The following PCLO variants were observed in gnomAD, a reference collection of about 807,000 sequenced individuals.
PCLO encodes the protein protein piccolo.
PCLO carries 82 observed loss-of-function variants against 427.5 expected under a neutral mutation model. That is an observed-to-expected ratio of 0.19 (90% CI 0.16 to 0.23). The LOEUF (loss-of-function observed/expected upper bound fraction) is 0.23. Among genes scored for constraint, PCLO ranks in the 10% least tolerant of loss-of-function variants. The pLI, the probability that PCLO is intolerant of heterozygous loss-of-function variation, is 1.00. For synonymous variants in PCLO, 2,357 were observed against 2,155.4 expected (o/e 1.09, Z -2.59); for missense variants, 6,239 against 6,115.9 (o/e 1.02, Z -0.67).
chr7:82,758,788 T>A (rs1790371249), intron 24 of PCLO, 73 bp from the exon 25 acceptor site: 6 of 869,706 alleles, frequency 6.9e-6, no homozygotes, highest in South Asian at 6.8e-5. Flanking sequence ...CAACCTTTTT[T>A]AAGGACATTT....
intron 10 of PCLO, 66 bp downstream of exon 10, chr7:82,879,271 T>G (rs1428925029): frequency 2.2e-6 from 3 of 1,356,588 alleles, no homozygotes. Flanking sequence ...CATTTGCATA[T>G]TAAATTAAAA....
intron 21 of PCLO, 26 bp from the exon 22 acceptor site, chr7:82,801,617 A>G: frequency 7.3e-7 from 1 of 1,365,978 alleles, no homozygotes. Flanking sequence ...ATAAAATGAT[A>G]TATTCAGTTA....
At chr7:82,793,100 T>G (rs1259264168) in intron 22 of PCLO, among the ~76,000 whole-genome samples, 1 of 152,142 alleles carries the variant, frequency 6.6e-6, no homozygotes, top group Non-Finnish European at 1.5e-5. Context: ...TATTTTTCAC[T>G]TGGCCAGACA....
intron 3 of PCLO, among the ~76,000 whole-genome samples, chr7:83,065,216 A>C (rs1789638196): frequency 6.6e-6 from 1 of 151,934 alleles, no homozygotes. Flanking sequence ...TCAGCTCAGT[A>C]TGTTCTTCCA....
intron 3 of PCLO, among the ~76,000 whole-genome samples, chr7:83,013,770 G>A (rs764117453): frequency 1.2e-4 from 19 of 152,290 alleles, no homozygotes; most frequent in East Asian, 3.9e-4. Context: ...AAAATGGAAC[G>A]TTTGTGTGAA....
At chr7:83,017,735 C>G (rs1788243729) in intron 3 of PCLO, among the ~76,000 whole-genome samples, 1 of 151,878 alleles carries the variant, frequency 6.6e-6, no homozygotes, top group Non-Finnish European at 1.5e-5. Flanking sequence ...TTTAAAAAAA[C>G]TATAAACCAC....
intron 3 of PCLO, among the ~76,000 whole-genome samples, chr7:83,019,325 T>C (rs189040962): frequency 3.2e-4 from 49 of 152,118 alleles, no homozygotes; most frequent in Non-Finnish European, 5.9e-4. Flanking sequence ...TAAGAACTTC[T>C]TTTGTTTTAA....
intron 20 of PCLO, among the ~76,000 whole-genome samples, chr7:82,819,947 T>C (rs116336437): frequency 0.01 from 1,531 of 152,306 alleles, 27 homozygotes; most frequent in African/African-American, 0.035. Flanking sequence ...TTTTAATATG[T>C]GCTTTTGAAT....
intron 6 of PCLO, among the ~76,000 whole-genome samples, chr7:82,932,804 A>T (rs2116345655): frequency 6.6e-6 from 1 of 152,206 alleles, no homozygotes; most frequent in Non-Finnish European, 1.5e-5. Context: ...TTGGAGAGAA[A>T]AAACAAACAT....
rs1790028114 is a variant in PCLO at position 83,078,968 on chromosome 7, T to C, written c.3300+55282A>G. The stretch of plus-strand genomic sequence containing the variant: ...TGTTAAAACTATACATAGGCAATGC[T>C]TAGAGAAAGCAAGTTACTGAAAGAT... On this transcript the variant is annotated intron_variant, in intron 3 of 24. Coordinates refer to ENST00000333891, the MANE Select transcript of PCLO (RefSeq NM_033026.6). 2.0e-5 allele frequency among the ~76,000 whole-genome samples: 3 copies of C among 152,136 alleles called. No homozygotes were observed. In the South Asian group the frequency reaches 6.2e-4, roughly 31 times the overall value.
intron 3 of PCLO, among the ~76,000 whole-genome samples, chr7:82,984,418 G>GTGTA (rs199717615): frequency 0.027 from 4,127 of 150,410 alleles, 209 homozygotes; most frequent in African/African-American, 0.096. Context: ...CTGTGTGTGT[G>GTGTA]TGTGTGTGTG....
At chr7:82,782,852 C>A (rs2129468167) in intron 22 of PCLO, among the ~76,000 whole-genome samples, 1 of 152,268 alleles carries the variant, frequency 6.6e-6, no homozygotes, top group Non-Finnish European at 1.5e-5. Flanking sequence ...TGTCTAGTAT[C>A]TTTTCTCCTC....
intron 18 of PCLO, 46 bp from the exon 19 acceptor site, chr7:82,824,462 T>TGAATC: frequency 8.3e-7 from 1 of 1,207,478 alleles, no homozygotes; most frequent in Non-Finnish European, 1.2e-6. Context: ...GACTAAAGTA[T>TGAATC]AATTGATTCA....
chr7:83,011,705 T>C (rs41591), intron 3 of PCLO, among the ~76,000 whole-genome samples: 42,823 of 151,924 alleles, frequency 0.28, 6,510 homozygotes, highest in Middle Eastern at 0.45. Flanking sequence ...AAAGATACAA[T>C]TGTGACTAAA....
intron 21 of PCLO, among the ~76,000 whole-genome samples, chr7:82,803,927 A>G (rs1791409152): frequency 6.6e-6 from 1 of 152,166 alleles, no homozygotes; most frequent in African/African-American, 2.4e-5. Flanking sequence ...TCAAAATTAG[A>G]ATGTGGTATA....
chr7:82,983,625 A>G (rs1796196262), intron 3 of PCLO, among the ~76,000 whole-genome samples: 1 of 149,282 alleles, frequency 6.7e-6, no homozygotes, highest in African/African-American at 2.4e-5. Flanking sequence ...ATTTATATTT[A>G]TATATGTATA....
chr7:82,893,806 A>G (rs1793835916), intron 9 of PCLO, among the ~76,000 whole-genome samples: 1 of 151,940 alleles, frequency 6.6e-6, no homozygotes, highest in Non-Finnish European at 1.5e-5. Flanking sequence ...GTCTGATTCA[A>G]TTATTTAGAA....
At chr7:82,951,534 G>A (rs747763027) in intron 5 of PCLO, 44 bp from the exon 6 acceptor site, 27 of 1,323,142 alleles carry the variant, frequency 2.0e-5, no homozygotes, top group Admixed American at 2.3e-5. Flanking sequence ...CAGAATGAAT[G>A]ATGCTTTTTG....
chr7:82,808,696 T>C (rs558507890), intron 20 of PCLO, among the ~76,000 whole-genome samples: 10 of 152,072 alleles, frequency 6.6e-5, no homozygotes, highest in Middle Eastern at 3.4e-3. Context: ...TGATTACATC[T>C]AAGGTTCTGT....
Sources: allele counts gnomAD v4.1 joint callset (sites outside exome capture counted in the v4.1 genomes callset), GRCh38; gene constraint gnomAD v4.1.1; transcripts MANE v1.5; gene names NCBI Gene and HGNC (gene_info 2026-07-23, HGNC 2026-07-21).